Variants in TPD52L1 observed in about 807,000 individuals in gnomAD.
TPD52L1 encodes tumor protein D53.
In TPD52L1, 18 loss-of-function variants were observed where a neutral mutation model predicts 28.7. The observed-to-expected ratio is 0.63, with a 90% CI of 0.43 to 0.93. The LOEUF (loss-of-function observed/expected upper bound fraction) is 0.93, where lower values mean the gene tolerates loss of function less well. Among genes scored for constraint, TPD52L1 ranks in the 40% least tolerant of loss-of-function variants. The pLI is 0.00. For missense variants in TPD52L1, 203 were observed against 254.8 expected, an observed-to-expected ratio of 0.80 and a Z score of 1.39; for synonymous variants, 75 against 88.8, an observed-to-expected ratio of 0.84 and a Z score of 0.88.
chr6:125,262,914 C>T lies in TPD52L1; in HGVS notation c.567C>T (p.Ser189=), dbSNP rs1798141215. 6.2e-7 allele frequency: 1 copy of T among 1,614,232 alleles called. No individual in the cohort carries two copies. Residue 189 remains serine, a synonymous_variant, in exon 7 of 7, where the codon AGC becomes AGT. Coordinates refer to ENST00000534000, the MANE Select transcript of TPD52L1 (RefSeq NM_003287.4). ...CCACGGCCCATGCCAGTGCCCAGAGCTTGGCAGGAGGCTCCCGGCGGACCA... is the reference window on the plus strand; with the variant it reads ...CCACGGCCCATGCCAGTGCCCAGAGTTTGGCAGGAGGCTCCCGGCGGACCA... ...LSSTAHASAQ[S]LAGGSRRTKE... is the part of the protein sequence containing the mutation.
rs114417332 is a variant in TPD52L1, at chr6:125,186,754, C to T, written c.19+32784C>T. On this transcript the variant is annotated intron_variant, in intron 1 of 6. Coordinates refer to ENST00000534000, the MANE Select transcript of TPD52L1 (RefSeq NM_003287.4). The stretch of plus-strand genomic sequence containing the variant: ...ACACCACATAGTTAGGGGCAGAAAA[C>T]TGGGACCTCAGCCACAGAAAAGTCA... 5.3e-3 allele frequency among the ~76,000 whole-genome samples: 807 copies of T among 152,252 alleles called. 6 individuals carry two copies. The highest frequency in any genetic ancestry group is 0.018 in the African/African-American group (763 of 41,556).
At chr6:125,181,276 C>T (rs1446841124) in intron 1 of TPD52L1, among the ~76,000 whole-genome samples, 1 of 151,994 alleles carries the variant, frequency 6.6e-6, no homozygotes, top group East Asian at 1.9e-4. Flanking sequence ...ACTAAGAGGT[C>T]AGAACATAAG....
intron 3 of TPD52L1, among the ~76,000 whole-genome samples, chr6:125,238,965 A>T (rs1242634784): frequency 6.6e-6 from 1 of 152,170 alleles, no homozygotes; most frequent in African/African-American, 2.4e-5. Context: ...TTTTCATATA[A>T]TGACTTCTTT....
intron 1 of TPD52L1, among the ~76,000 whole-genome samples, chr6:125,205,117 A>C (rs1242067530): frequency 6.6e-6 from 1 of 152,182 alleles, no homozygotes; most frequent in African/African-American, 2.4e-5. Flanking sequence ...TACTAGTCAA[A>C]CCAGTCTCCC....
At chr6:125,229,585 A>G (rs1449611115) in intron 3 of TPD52L1, among the ~76,000 whole-genome samples, 1 of 152,106 alleles carries the variant, frequency 6.6e-6, no homozygotes, top group East Asian at 1.9e-4. Context: ...TTTTTTTAAA[A>G]CTTTTTCTCA....
intron 1 of TPD52L1, among the ~76,000 whole-genome samples, chr6:125,163,811 G>C (rs923065232): frequency 4.0e-5 from 6 of 150,886 alleles, no homozygotes; most frequent in African/African-American, 1.5e-4. Flanking sequence ...CAGCTACTTG[G>C]GAGGCTGAAG....
intron 1 of TPD52L1, among the ~76,000 whole-genome samples, chr6:125,161,282 T>G (rs915327483): frequency 6.6e-6 from 1 of 152,248 alleles, no homozygotes; most frequent in South Asian, 2.1e-4. Flanking sequence ...GATTAGATTT[T>G]CACTTAAAGA....
chr6:125,200,220 C>T (rs956072765), intron 1 of TPD52L1, among the ~76,000 whole-genome samples: 2 of 151,990 alleles, frequency 1.3e-5, no homozygotes, highest in African/African-American at 2.4e-5. Context: ...TTCTTAAGAT[C>T]GTTTGATCTA....
chr6:125,179,439 A>G (rs1792043311), intron 1 of TPD52L1, among the ~76,000 whole-genome samples: 1 of 152,244 alleles, frequency 6.6e-6, no homozygotes, highest in South Asian at 2.1e-4. Context: ...AAAAGGAATT[A>G]TAAGAATCCC....
chr6:125,243,647 G>T (rs190942929), intron 3 of TPD52L1, among the ~76,000 whole-genome samples: 2 of 151,994 alleles, frequency 1.3e-5, no homozygotes, highest in Admixed American at 6.5e-5. Context: ...CAGAAGTTAT[G>T]ATTGTTTTTT....
intron 3 of TPD52L1, among the ~76,000 whole-genome samples, chr6:125,231,803 G>C (rs185458750): frequency 1.3e-5 from 2 of 152,268 alleles, no homozygotes; most frequent in African/African-American, 4.8e-5. Flanking sequence ...TACGAGCATT[G>C]TGGTTAGGCT....
At chr6:125,209,969 AATG>A (rs1447102370) in intron 1 of TPD52L1, among the ~76,000 whole-genome samples, 1 of 152,180 alleles carries the variant, frequency 6.6e-6, no homozygotes, top group African/African-American at 2.4e-5. Context: ...GAGAGTTCAT[AATG>A]ATCTCTCTTT....
intron 5 of TPD52L1, among the ~76,000 whole-genome samples, chr6:125,255,656 A>C (rs1797552573): frequency 6.6e-6 from 1 of 152,130 alleles, no homozygotes; most frequent in Non-Finnish European, 1.5e-5. Context: ...GTGATACTTC[A>C]TTCTGCACCA....
intron 1 of TPD52L1, among the ~76,000 whole-genome samples, chr6:125,167,324 C>T (rs1013568265): frequency 6.6e-6 from 1 of 152,126 alleles, no homozygotes; most frequent in African/African-American, 2.4e-5. Context: ...AACGCTGATT[C>T]CTTTCAGCAC....
chr6:125,202,682 TTATAA>T (rs373299693), intron 1 of TPD52L1, among the ~76,000 whole-genome samples: 4 of 152,160 alleles, frequency 2.6e-5, no homozygotes, highest in Non-Finnish European at 5.9e-5. Flanking sequence ...TGGAGTTTTC[TTATAA>T]TATAATAAGT....
At position 125,217,669 on chromosome 6, in the gene TPD52L1, G is replaced by A. The variant is rs185787248; in HGVS notation, c.20-2409G>A. ...TAACAGACCGGTACTGGTCCATGGC[G>A]CGGGAGTTGGGGACCTCTGCCCTAT... On this transcript the variant is annotated intron_variant, in intron 1 of 6. Transcript: ENST00000534000. Among the ~76,000 whole-genome samples the A allele has an allele frequency of 8.3e-4, 127 of 152,228 alleles. 1 individual carries two copies. Among genetic ancestry groups the A allele is most frequent in the African/African-American group, 2.7e-3 (114 of 41,526 alleles).
chr6:125,237,393 C>G (rs1008032723), intron 3 of TPD52L1, among the ~76,000 whole-genome samples: 6 of 152,062 alleles, frequency 3.9e-5, no homozygotes, highest in African/African-American at 1.4e-4. Context: ...GACTCCACAT[C>G]TATTCTGAAA....
At chr6:125,170,831 TTAGAGTGAG>T (rs1388505857) in intron 1 of TPD52L1, among the ~76,000 whole-genome samples, 1 of 152,148 alleles carries the variant, frequency 6.6e-6, no homozygotes, top group Admixed American at 6.5e-5. Flanking sequence ...GAGCCTTTGT[TTAGAGTGAG>T]CAGCTCGTAG....
intron 3 of TPD52L1, among the ~76,000 whole-genome samples, chr6:125,235,291 A>C (rs186938114): frequency 6.6e-6 from 1 of 152,006 alleles, no homozygotes; most frequent in Admixed American, 6.6e-5. Context: ...GTAACTCCTG[A>C]GGTACCATTT....
Sources: gnomAD v4.1 joint callset for allele counts (sites outside exome capture counted in the v4.1 genomes callset) on GRCh38, gnomAD v4.1.1 for gene constraint, MANE v1.5 for transcripts, NCBI Gene and HGNC (gene_info 2026-07-23, HGNC 2026-07-21) for gene names.